The following COA8 variants were observed in gnomAD, a reference collection of about 807,000 sequenced individuals.
COA8 encodes UPF0671 protein C14orf153.
COA8 carries 20 observed loss-of-function variants against 22.0 expected under a neutral mutation model. That is an observed-to-expected ratio of 0.91 (90% confidence interval 0.64 to 1.32). The LOEUF is 1.32. COA8 is among the 40% of genes most tolerant of loss of function. The pLI is 0.00. For synonymous variants in COA8, 105 were observed against 79.9 expected (o/e 1.31, Z -1.68); for missense variants, 266 against 230.0 (o/e 1.16, Z -1.01).
intron 3 of COA8, chr14:103,579,381 A>G (rs554424894): frequency 2.8e-4 from 61 of 221,606 alleles, no homozygotes; most frequent in African/African-American, 1.3e-3. Flanking sequence ...ATGGAGTCTC[A>G]CTCTGTCACC....
At chr14:103,576,723 C>G (rs1483366778) in intron 3 of COA8, among the ~76,000 whole-genome samples, 1 of 152,216 alleles carries the variant, frequency 6.6e-6, no homozygotes, top group African/African-American at 2.4e-5. Context: ...TTCAAAGAAG[C>G]AGTCAGCTGA....
intron 1 of COA8, among the ~76,000 whole-genome samples, chr14:103,566,800 A>T (rs747132279): frequency 6.6e-6 from 1 of 152,230 alleles, no homozygotes; most frequent in Non-Finnish European, 1.5e-5. Context: ...TATTGTTTGC[A>T]GCTCCAGGCA....
At chr14:103,567,128 G>A (rs993199469) in intron 1 of COA8, among the ~76,000 whole-genome samples, 13 of 152,046 alleles carry the variant, frequency 8.6e-5, no homozygotes, top group African/African-American at 2.4e-4. Context: ...ATCTCAGCAC[G>A]TTGGAAGGCC....
At chr14:103,574,023 G>A in intron 2 of COA8, 84 bp from the exon 3 acceptor site, 1 of 1,457,276 alleles carries the variant, frequency 6.9e-7, no homozygotes, top group Non-Finnish European at 9.1e-7. Flanking sequence ...AGTACACCGT[G>A]AGCTGTGCTC....
chr14:103,580,564 G>T (rs1468806486), intron 3 of COA8, among the ~76,000 whole-genome samples: 4 of 151,724 alleles, frequency 2.6e-5, no homozygotes, highest in Non-Finnish European at 5.9e-5. Context: ...CCCTATCTTG[G>T]CTCACTGCAA....
rs766488028 is a variant in COA8, at chr14:103,587,258, T to G, written c.386-16T>G. On this transcript the variant is annotated splice_polypyrimidine_tract_variant and intron_variant, in intron 3 of 4. Transcript: ENST00000409074. ...TCTCCTTAAGTCTTAATGTTTAAGC[T>G]GAAATTACCTTTCAGGTCAGAAAGC... is the stretch of plus-strand genomic sequence containing the variant. 3.1e-6 allele frequency: 5 copies of G among 1,605,592 alleles called. No individual in the cohort carries two copies. In the Admixed American group the frequency reaches 8.6e-5, roughly 28 times the overall value.
intron 4 of COA8, chr14:103,588,068 A>G: frequency 4.2e-6 from 1 of 238,940 alleles, no homozygotes; most frequent in South Asian, 1.8e-4. Context: ...GTGAGCTGAG[A>G]TCGTGCCATT....
chr14:103,578,116 C>T (rs2076242472), intron 3 of COA8, among the ~76,000 whole-genome samples: 1 of 151,270 alleles, frequency 6.6e-6, no homozygotes, highest in Non-Finnish European at 1.5e-5. Context: ...ATCACTTGAG[C>T]CCAGGGGGTG....
At chr14:103,563,597 G>A (rs1187092486) in intron 1 of COA8, among the ~76,000 whole-genome samples, 1 of 152,142 alleles carries the variant, frequency 6.6e-6, no homozygotes, top group Non-Finnish European at 1.5e-5. Context: ...GTGGGTATAT[G>A]CATGTTACTG....
In COA8 at chr14:103,581,340, G is replaced by T. The variant is rs1163800284; in HGVS notation, c.386-5934G>T. On this transcript the variant is annotated intron_variant, in intron 3 of 4. Coordinates refer to ENST00000409074, the MANE Select transcript of COA8 (RefSeq NM_001370595.2). The surrounding 1 kb of genome is among the most constrained non-coding windows in gnomAD (Gnocchi z 4.1). ...TTACCAAGTAAATAAGGGTTACTCAGACACAAGCACTGCTGTACGACGACA... is the reference window on the plus strand; with the variant it reads ...TTACCAAGTAAATAAGGGTTACTCATACACAAGCACTGCTGTACGACGACA... 2.6e-5 allele frequency among the ~76,000 whole-genome samples: 4 copies of T among 152,218 alleles called. No individual in the cohort carries two copies. The East Asian group carries it at 7.7e-4, about 29-fold the overall frequency.
intron 3 of COA8, among the ~76,000 whole-genome samples, chr14:103,586,200 CTTT>C (rs71126040): frequency 8.6e-5 from 8 of 92,692 alleles, no homozygotes; most frequent in Admixed American, 1.4e-4. Flanking sequence ...TGCACCTGGC[CTTT>C]TTTTTTTTTT....
chr14:103,563,366 A>G (rs1465702207), intron 1 of COA8: 2 of 682,934 alleles, frequency 2.9e-6, no homozygotes, highest in East Asian at 5.5e-5. Context: ...CTTTAAGCGT[A>G]ACAGAGTCAC....
chr14:103,568,581 A>G (rs113873434), intron 1 of COA8, among the ~76,000 whole-genome samples: 1,423 of 26,588 alleles, frequency 0.054, 18 homozygotes, highest in African/African-American at 0.12. Context: ...GTGTGTGTGT[A>G]TATATATATA....
At position 103,587,363 on chromosome 14, in the gene COA8, A is replaced by C; in HGVS notation, c.475A>C (p.Arg159=). ...KNFQKHMYYN[R]DWYKRNFAIT... is the part of the protein sequence containing the mutation. ...TTTTCAGAAGCACATGTATTATAAC[A>C]GGTAGGTGTTTACTCTTTTCCTGAA... The change falls in exon 4 of 5, where the codon AGA becomes CGA. Residue 159 remains arginine (R), a splice_region_variant and synonymous_variant. Transcript: ENST00000409074. 1 of 1,606,556 alleles carries C rather than the reference A, an allele frequency of 6.2e-7. No homozygotes were observed. The highest frequency in any genetic ancestry group is 8.5e-7 in the Non-Finnish European group (1 of 1,174,592).
intron 3 of COA8, among the ~76,000 whole-genome samples, chr14:103,583,517 G>T (rs570232386): frequency 5.6e-4 from 81 of 143,752 alleles, no homozygotes; most frequent in African/African-American, 1.9e-3. Flanking sequence ...ACTCCAGCCT[G>T]GGCAACAGAG....
intron 1 of COA8, among the ~76,000 whole-genome samples, chr14:103,568,786 C>A (rs1179187973): frequency 6.6e-6 from 1 of 151,988 alleles, no homozygotes; most frequent in Non-Finnish European, 1.5e-5. Context: ...CACACCACCA[C>A]GCCCAGCTTA....
chr14:103,568,946 A>C (rs1478661428), intron 1 of COA8, among the ~76,000 whole-genome samples: 2 of 152,058 alleles, frequency 1.3e-5, no homozygotes, highest in East Asian at 3.9e-4. Flanking sequence ...AAAGATTTTC[A>C]CAAGAACCGG....
At chr14:103,583,831 T>C (rs2076286048) in intron 3 of COA8, among the ~76,000 whole-genome samples, 1 of 152,216 alleles carries the variant, frequency 6.6e-6, no homozygotes, top group South Asian at 2.1e-4. Flanking sequence ...TGACAGGCTA[T>C]AAATCAGACT....
At position 103,574,120 on chromosome 14, in the gene COA8, T is replaced by G. The variant is rs2076211986; in HGVS notation, c.335T>G (p.Phe112Cys). ...TTTTTTTTTAAGGAAAAAGAAGAAT[T>G]TATTCACTCAAGACTAAAAACTAAA... ...NLTFSKEKEEFIHSRLKTKGL... is the reference protein window; with the variant it reads ...NLTFSKEKEECIHSRLKTKGL... Residue 112 changes from phenylalanine to cysteine, a missense_variant, in exon 3 of 5, where the codon TTT (phenylalanine) becomes TGT (cysteine). Phe to Cys is a radical substitution (Grantham distance 205). Coordinates refer to ENST00000409074, the MANE Select transcript of COA8 (RefSeq NM_001370595.2). The G allele has an allele frequency of 6.6e-7, 1 of 1,518,598 alleles. No homozygotes were observed. Among genetic ancestry groups the G allele is most frequent in the Middle Eastern group, 1.8e-4 (1 of 5,682 alleles). 94.1% of individuals were successfully genotyped at this position (1,518,598 alleles called of 1,614,324 possible).
Sources: allele counts gnomAD v4.1 joint callset (sites outside exome capture counted in the v4.1 genomes callset), GRCh38; gene constraint gnomAD v4.1.1; non-coding constraint Gnocchi (gnomAD v3.1); transcripts MANE v1.5; gene names NCBI Gene and HGNC (gene_info 2026-07-23, HGNC 2026-07-21).